The following TENT5D variants were observed in gnomAD, a reference collection of about 807,000 sequenced individuals.
TENT5D encodes the protein terminal nucleotidyltransferase 5D.
For missense variants in TENT5D, 191 were observed against 287.0 expected, an observed-to-expected ratio of 0.67 and a Z score of 2.42; for synonymous variants, 103 against 100.6, an observed-to-expected ratio of 1.02 and a Z score of -0.15.
intron 3 of TENT5D, among the ~76,000 whole-genome samples, chrX:80,366,206 G>GGTGTGTGTGT: frequency 2.6e-5 from 1 of 38,004 alleles, no homozygotes; most frequent in African/African-American, 1.0e-4. Flanking sequence ...GAGAAGACAG[G>GGTGTGTGTGT]GAGTGTGTGT....
chrX:80,375,835 C>T (rs1398330712), intron 3 of TENT5D, among the ~76,000 whole-genome samples: 1 of 111,777 alleles, frequency 8.9e-6, no homozygotes, highest in African/African-American at 3.2e-5. Context: ...ACATAGCCCT[C>T]TTTGTAGAGT....
chrX:80,418,562 C>CT (rs1423161708), upstream of TENT5D, among the ~76,000 whole-genome samples: 2 of 111,489 alleles, frequency 1.8e-5, no homozygotes, highest in Non-Finnish European at 3.8e-5. Flanking sequence ...CAGTAGTTGT[C>CT]TTTTGACTTC....
At chrX:80,405,170 TG>T (rs1173087345) in intron 3 of TENT5D, among the ~76,000 whole-genome samples, 1 of 112,574 alleles carries the variant, frequency 8.9e-6, no homozygotes, top group African/African-American at 3.2e-5. Flanking sequence ...CAATAAAAGT[TG>T]AACTTTGAGT....
intron 3 of TENT5D, among the ~76,000 whole-genome samples, chrX:80,396,907 C>CCG (rs1931265417): frequency 1.3e-5 from 1 of 79,804 alleles, no homozygotes; most frequent in Non-Finnish European, 2.5e-5. Flanking sequence ...GGGGGGCTGA[C>CCG]CCCCCCACCT....
chrX:80,383,682 C>A (rs769255498), intron 3 of TENT5D, among the ~76,000 whole-genome samples: 8 of 110,841 alleles, frequency 7.2e-5, no homozygotes, highest in African/African-American at 2.3e-4. Flanking sequence ...CAGTGACACC[C>A]GGTCTCTACC....
intron 3 of TENT5D, among the ~76,000 whole-genome samples, chrX:80,411,830 G>C (rs185795417): frequency 8.9e-6 from 1 of 111,961 alleles, no homozygotes; most frequent in Admixed American, 9.5e-5. Context: ...TTGGCTTTGA[G>C]AGTCTACGGC....
intron 3 of TENT5D, among the ~76,000 whole-genome samples, chrX:80,380,695 C>G (rs1346231736): frequency 9.0e-6 from 1 of 111,464 alleles, no homozygotes; most frequent in Non-Finnish European, 1.9e-5. Context: ...TTGAATAGAT[C>G]CCTTTACCAT....
intron 3 of TENT5D, among the ~76,000 whole-genome samples, chrX:80,415,368 C>T (rs73630385): frequency 1.8e-5 from 2 of 111,597 alleles, no homozygotes; most frequent in South Asian, 7.4e-4. Context: ...AATGGGCATA[C>T]CTGTCCTGTT....
At chrX:80,404,707 A>G (rs1435332775) in intron 3 of TENT5D, among the ~76,000 whole-genome samples, 1 of 112,037 alleles carries the variant, frequency 8.9e-6, no homozygotes, top group Admixed American at 9.5e-5. Flanking sequence ...AGGCCTGAAG[A>G]TGTGGCTTAA....
At chrX:80,397,251 G>A (rs1006421057) in intron 3 of TENT5D, among the ~76,000 whole-genome samples, 8 of 107,251 alleles carry the variant, frequency 7.5e-5, no homozygotes, top group Non-Finnish European at 1.6e-4. Flanking sequence ...CCTCCCAGAC[G>A]GGGTCGCAGC....
exon 3 of TENT5D, chrX:80,444,880 A>C (rs1015289973): frequency 1.6e-5 from 2 of 122,830 alleles, no homozygotes; most frequent in African/African-American, 6.5e-5. Context: ...TTTTCTTCCC[A>C]TAATGAAAAT....
At chrX:80,352,949 C>G (rs889733223) in intron 3 of TENT5D, among the ~76,000 whole-genome samples, 9 of 110,816 alleles carry the variant, frequency 8.1e-5, no homozygotes, top group Non-Finnish European at 1.5e-4. Flanking sequence ...ACTCATTGCA[C>G]TTCCTGGGTG....
intron 2 of TENT5D, among the ~76,000 whole-genome samples, chrX:80,441,109 C>T (rs1218567395): frequency 9.0e-6 from 1 of 111,123 alleles, no homozygotes; most frequent in Non-Finnish European, 1.9e-5. Context: ...CTTTAAGGAT[C>T]GATTTGGATA....
intron 3 of TENT5D, among the ~76,000 whole-genome samples, chrX:80,383,697 A>C (rs764579880): frequency 5.4e-5 from 6 of 110,952 alleles, no homozygotes; most frequent in African/African-American, 2.0e-4. Flanking sequence ...TCTACCAAAA[A>C]CACAAAAAAT....
intron 3 of TENT5D, among the ~76,000 whole-genome samples, chrX:80,392,502 T>C (rs1440919954): frequency 1.9e-5 from 1 of 53,207 alleles, no homozygotes; most frequent in Admixed American, 2.1e-4. Context: ...ATTCTTTTTT[T>C]TTTTTTTTTT....
chrX:80,439,019 C>T (rs1449358021), intron 2 of TENT5D, among the ~76,000 whole-genome samples: 1 of 111,343 alleles, frequency 9.0e-6, no homozygotes, highest in Non-Finnish European at 1.9e-5. Context: ...AGATACATTA[C>T]AGGCATACTA....
intron 1 of TENT5D, among the ~76,000 whole-genome samples, chrX:80,431,355 A>G (rs1259259365): frequency 7.2e-5 from 8 of 111,821 alleles, no homozygotes; most frequent in Non-Finnish European, 1.5e-4. Context: ...AGGCTCCCCA[A>G]GGAGAAAAAT....
intron 2 of TENT5D, among the ~76,000 whole-genome samples, chrX:80,441,228 G>A (rs1400571047): frequency 9.0e-6 from 1 of 110,970 alleles, no homozygotes; most frequent in Non-Finnish European, 1.9e-5. Flanking sequence ...TATTCAGTCT[G>A]TAGTTCATAT....
At chrX:80,381,796 T>G (rs1360567888) in intron 3 of TENT5D, among the ~76,000 whole-genome samples, 1 of 112,079 alleles carries the variant, frequency 8.9e-6, no homozygotes, top group Non-Finnish European at 1.9e-5. Flanking sequence ...CATGTCATGG[T>G]TTTCAGCTCC....
Sources: gnomAD v4.1 joint callset for allele counts (sites outside exome capture counted in the v4.1 genomes callset) on GRCh38, gnomAD v4.1.1 for gene constraint, MANE v1.5 for transcripts, NCBI Gene and HGNC (gene_info 2026-07-23, HGNC 2026-07-21) for gene names.